The following CTNNA2 variants were observed in gnomAD, a reference collection of about 807,000 sequenced individuals.
CTNNA2 encodes catenin alpha-2.
In CTNNA2, 42 loss-of-function variants were observed where a neutral mutation model predicts 101.0. The observed-to-expected ratio is 0.42, with a 90% CI of 0.32 to 0.54. CTNNA2 has a LOEUF of 0.54. CTNNA2 is among the 20% of genes least tolerant of loss of function. CTNNA2 has a pLI of 0.14. For missense variants in CTNNA2, 871 were observed against 1,223.1 expected, an observed-to-expected ratio of 0.71 and a Z score of 4.29; for synonymous variants, 450 against 456.4, an observed-to-expected ratio of 0.99 and a Z score of 0.18.
chr2:79,929,381 G>A (rs1300116414), intron 7 of CTNNA2, among the ~76,000 whole-genome samples: 4 of 152,158 alleles, frequency 2.6e-5, no homozygotes, highest in South Asian at 2.1e-4. Flanking sequence ...AAAAAGGGAC[G>A]TATTCCGAAA....
intron 3 of CTNNA2, among the ~76,000 whole-genome samples, chr2:79,827,902 C>A (rs1678570406): frequency 6.6e-6 from 1 of 152,134 alleles, no homozygotes; most frequent in South Asian, 2.1e-4. Flanking sequence ...GTTGGTATTA[C>A]TTCATTGTTT....
intron 3 of CTNNA2, among the ~76,000 whole-genome samples, chr2:79,338,871 C>A (rs1677066973): frequency 6.6e-6 from 1 of 152,012 alleles, no homozygotes; most frequent in African/African-American, 2.4e-5. Context: ...ATTCCATAAT[C>A]TCTGTCTGCT....
chr2:79,907,650 A>C lies in CTNNA2; in HGVS notation c.853-1944A>C, dbSNP rs114969395. Among the ~76,000 whole-genome samples the C allele has an allele frequency of 4.3e-3, 655 of 152,314 alleles. 8 individuals carry two copies. The highest frequency in any genetic ancestry group is 0.014 in the African/African-American group (596 of 41,570). ...GCACAAAGGACAAAACCCAAATAGC[A>C]CATTTTGGGTAAAGTAAACATCCCT... On this transcript the variant is annotated intron_variant, in intron 6 of 18. Transcript: ENST00000402739.
At chr2:79,570,914 G>T (rs1675424288) in intron 1 of CTNNA2, among the ~76,000 whole-genome samples, 1 of 152,156 alleles carries the variant, frequency 6.6e-6, no homozygotes, top group Admixed American at 6.6e-5. Flanking sequence ...AAACTCCAAA[G>T]TATGTATATT....
intron 2 of CTNNA2, among the ~76,000 whole-genome samples, chr2:79,707,575 G>C (rs1157627830): frequency 6.6e-6 from 1 of 152,200 alleles, no homozygotes; most frequent in Non-Finnish European, 1.5e-5. Context: ...AGGAGTTCCT[G>C]TGACTTTTTC....
In CTNNA2 at chr2:79,665,114, A is replaced by G. The variant is rs1682321445; in HGVS notation, c.102+13456A>G. Among the ~76,000 whole-genome samples, 9 of 152,176 alleles carry G rather than the reference A, an allele frequency of 5.9e-5. No individual in the cohort carries two copies. In the South Asian group the frequency reaches 1.7e-3, roughly 28 times the overall value. On this transcript the variant is annotated intron_variant, in intron 2 of 18. Transcript: ENST00000402739. ...CTCAATCCAGAAAGAAGTTCTTTCA[A>G]TCTCTAAAACCCTGGGTCTCTCATT...
chr2:80,641,919 G>T (rs1673538431), intron 18 of CTNNA2, among the ~76,000 whole-genome samples: 2 of 152,034 alleles, frequency 1.3e-5, no homozygotes, highest in Non-Finnish European at 2.9e-5. Context: ...AATCAAACAT[G>T]TTATACACCT....
chr2:80,372,932 G>C (rs2149336102), intron 7 of CTNNA2, among the ~76,000 whole-genome samples: 1 of 152,304 alleles, frequency 6.6e-6, no homozygotes, highest in Middle Eastern at 3.4e-3. Flanking sequence ...CAGGGATGCT[G>C]TTAAATATTC....
intron 7 of CTNNA2, among the ~76,000 whole-genome samples, chr2:80,385,272 C>A (rs1676893848): frequency 6.6e-6 from 1 of 152,052 alleles, no homozygotes; most frequent in Non-Finnish European, 1.5e-5. Context: ...TTAGTGGAGG[C>A]CTTTGATAAG....
intron 2 of CTNNA2, among the ~76,000 whole-genome samples, chr2:79,233,292 T>G (rs559999796): frequency 6.6e-6 from 1 of 152,312 alleles, no homozygotes; most frequent in Admixed American, 6.5e-5. Flanking sequence ...TTTTACTTTA[T>G]CTTAATTTCA....
chr2:79,794,562 A>C (rs7565894), intron 3 of CTNNA2, among the ~76,000 whole-genome samples: 48,040 of 151,908 alleles, frequency 0.32, 9,478 homozygotes, highest in African/African-American at 0.55. Flanking sequence ...TTCTTTCTTT[A>C]TTTATTTTGC....
intron 9 of CTNNA2, among the ~76,000 whole-genome samples, chr2:80,432,781 C>T (rs972475502): frequency 6.6e-5 from 10 of 152,160 alleles, no homozygotes; most frequent in African/African-American, 2.4e-4. Context: ...CCCTTACCCA[C>T]ACACATTTTC....
At chr2:80,411,663 T>C (rs1164351238) in intron 8 of CTNNA2, among the ~76,000 whole-genome samples, 1 of 152,164 alleles carries the variant, frequency 6.6e-6, no homozygotes, top group Non-Finnish European at 1.5e-5. Flanking sequence ...TGACAGCTTG[T>C]GTATGTTAGT....
chr2:80,589,202 C>A, intron 14 of CTNNA2, 102 bp from the exon 15 acceptor site: 1 of 1,195,892 alleles, frequency 8.4e-7, no homozygotes, highest in Non-Finnish European at 1.2e-6. Context: ...AGCTCATAAG[C>A]CTTTGCAGGG....
intron 4 of CTNNA2, among the ~76,000 whole-genome samples, chr2:79,483,627 G>A (rs1419905437): frequency 6.6e-6 from 1 of 152,166 alleles, no homozygotes. Context: ...CATCCTCATA[G>A]CTTAGCTCCA....
intron 15 of CTNNA2, among the ~76,000 whole-genome samples, chr2:80,595,678 C>A (rs1696888137): frequency 6.6e-6 from 1 of 151,612 alleles, no homozygotes; most frequent in Non-Finnish European, 1.5e-5. Context: ...AGCTAAAAAC[C>A]TGTGGTGGTA....
At chr2:80,472,925 C>G (rs534823678) in intron 9 of CTNNA2, among the ~76,000 whole-genome samples, 2 of 152,224 alleles carry the variant, frequency 1.3e-5, no homozygotes, top group East Asian at 3.9e-4. Context: ...CTGCCTCGCC[C>G]CATCCCACCT....
intron 7 of CTNNA2, among the ~76,000 whole-genome samples, chr2:80,087,712 A>G (rs184192087): frequency 1.2e-4 from 18 of 152,176 alleles, no homozygotes; most frequent in African/African-American, 4.1e-4. Context: ...TTTATTCAGT[A>G]CGTCTGGGCT....
In CTNNA2 at chr2:80,415,114, G is replaced by A. The variant is rs17019172; in HGVS notation, c.1138-4335G>A. ...AAACTTCAAAATGTACAAAGGCTCC[G>A]AACAGCAGAATTACATTTCTTAATA... On this transcript the variant is annotated intron_variant, in intron 8 of 18. Coordinates refer to ENST00000402739, the MANE Select transcript of CTNNA2 (RefSeq NM_001282597.3). Among the ~76,000 whole-genome samples the A allele has an allele frequency of 4.5e-3, 688 of 152,266 alleles. 6 individuals carry two copies. The highest frequency in any genetic ancestry group is 0.016 in the African/African-American group (652 of 41,550).
Sources: allele counts gnomAD v4.1 joint callset (sites outside exome capture counted in the v4.1 genomes callset), GRCh38; gene constraint gnomAD v4.1.1; transcripts MANE v1.5; gene names NCBI Gene and HGNC (gene_info 2026-07-23, HGNC 2026-07-21).